RARB: variants seen among roughly 807,000 people sequenced by gnomAD.
RARB encodes the protein retinoic acid receptor beta, also known as HBV-activated protein.
Under a neutral mutation model 51.9 loss-of-function variants are expected in RARB, and 17 were observed. That is an observed-to-expected ratio of 0.33 (90% CI 0.22 to 0.49). The LOEUF (loss-of-function observed/expected upper bound fraction) is 0.49, where lower values mean the gene tolerates loss of function less well. Among genes scored for constraint, RARB ranks in the 20% least tolerant of loss-of-function variants. RARB has a pLI of 0.99. For synonymous variants in RARB, 215 were observed against 195.4 expected (o/e 1.10, Z -0.84); for missense variants, 369 against 550.8 (o/e 0.67, Z 3.30).
At chr3:24,921,049 G>A (rs1380004564) in intron 2 of RARB, among the ~76,000 whole-genome samples, 1 of 152,104 alleles carries the variant, frequency 6.6e-6, no homozygotes, top group Non-Finnish European at 1.5e-5. Flanking sequence ...ACCCAAGCAG[G>A]TAAAAGCAGG....
At chr3:24,969,560 C>T (rs1173729382) in intron 2 of RARB, among the ~76,000 whole-genome samples, 1 of 152,100 alleles carries the variant, frequency 6.6e-6, no homozygotes, top group African/African-American at 2.4e-5. Context: ...TATTCTGTCT[C>T]TTTTATTTAT....
intron 2 of RARB, among the ~76,000 whole-genome samples, chr3:24,951,587 C>T (rs184916215): frequency 7.9e-5 from 12 of 152,308 alleles, no homozygotes; most frequent in Admixed American, 4.6e-4. Context: ...TGTCTTACAT[C>T]CCTCTACTAG....
chr3:25,136,543 A>G lies in RARB; in HGVS notation c.-280+4335A>G, dbSNP rs187991627. 5.5e-3 allele frequency among the ~76,000 whole-genome samples: 838 copies of G among 152,218 alleles called. 3 individuals carry two copies. Among genetic ancestry groups the G allele is most frequent in the Middle Eastern group, 0.017 (5 of 294 alleles). On this transcript the variant is annotated intron_variant, in intron 4 of 11. Transcript: ENST00000383772. ...TAAATGGTAGGAGTTGTAGATGACT[A>G]GATGAATAACTTCATGAAACAATGC...
intron 5 of RARB, among the ~76,000 whole-genome samples, chr3:25,195,462 G>A (rs1701211120): frequency 6.6e-6 from 1 of 151,998 alleles, no homozygotes; most frequent in Admixed American, 6.6e-5. Context: ...TTAAAAAATA[G>A]CACGTGACGT....
intron 4 of RARB, among the ~76,000 whole-genome samples, chr3:25,157,556 C>T (rs1354900915): frequency 1.0e-5 from 1 of 99,832 alleles, no homozygotes; most frequent in Non-Finnish European, 2.3e-5. Context: ...GCCACCAACA[C>T]CCAGCTAATT....
intron 4 of RARB, among the ~76,000 whole-genome samples, chr3:25,142,704 C>A (rs1180023469): frequency 2.0e-5 from 3 of 151,800 alleles, no homozygotes; most frequent in Non-Finnish European, 4.4e-5. Context: ...GATATTTCTA[C>A]CTTTTGAAGG....
At chr3:25,343,137 G>A (rs927534424) in intron 5 of RARB, among the ~76,000 whole-genome samples, 1 of 149,886 alleles carries the variant, frequency 6.7e-6, no homozygotes, top group Non-Finnish European at 1.5e-5. Context: ...CTGCATGGAG[G>A]GAAAGACCTG....
At chr3:25,551,726 G>A (rs1699858265) in intron 3 of RARB, among the ~76,000 whole-genome samples, 2 of 152,260 alleles carry the variant, frequency 1.3e-5, no homozygotes, top group East Asian at 3.9e-4. Context: ...CATAGAATAA[G>A]AAGAGGGCTA....
intron 5 of RARB, among the ~76,000 whole-genome samples, chr3:25,200,654 A>C (rs972021037): frequency 3.9e-5 from 6 of 152,080 alleles, no homozygotes; most frequent in Non-Finnish European, 5.9e-5. Context: ...TCAGCTTTCT[A>C]CATATGGCTA....
intron 2 of RARB, among the ~76,000 whole-genome samples, chr3:25,467,883 C>T (rs142051026): frequency 6.6e-6 from 1 of 152,236 alleles, no homozygotes; most frequent in East Asian, 1.9e-4. Flanking sequence ...CAAAGTTCCT[C>T]ATGGAATTTA....
intron 2 of RARB, among the ~76,000 whole-genome samples, chr3:24,985,801 G>T (rs1696780880): frequency 6.6e-6 from 1 of 152,178 alleles, no homozygotes; most frequent in Admixed American, 6.5e-5. Flanking sequence ...AGATAGATAT[G>T]TCACTGCGCT....
intron 5 of RARB, among the ~76,000 whole-genome samples, chr3:25,265,895 CT>C (rs1703114232): frequency 1.3e-5 from 2 of 152,272 alleles, no homozygotes; most frequent in Admixed American, 1.3e-4. Flanking sequence ...CATTCCCTTG[CT>C]TTGCTTGGTA....
intron 1 of RARB, among the ~76,000 whole-genome samples, chr3:24,857,819 G>C (rs1165544852): frequency 6.6e-6 from 1 of 152,126 alleles, no homozygotes; most frequent in Admixed American, 6.6e-5. Flanking sequence ...CCAGCTACTT[G>C]GGAGGCTGAG....
intron 5 of RARB, among the ~76,000 whole-genome samples, chr3:25,584,303 G>A (rs772766505): frequency 3.3e-5 from 5 of 152,108 alleles, no homozygotes; most frequent in Non-Finnish European, 5.9e-5. Flanking sequence ...CCTGGTGGGG[G>A]GACACAGACA....
intron 2 of RARB, among the ~76,000 whole-genome samples, chr3:24,905,046 T>G (rs1381765030): frequency 6.6e-6 from 1 of 152,146 alleles, no homozygotes; most frequent in Non-Finnish European, 1.5e-5. Context: ...GATGACGGGT[T>G]GATGGGTGCA....
intron 2 of RARB, among the ~76,000 whole-genome samples, chr3:25,492,171 T>A (rs1696774038): frequency 6.6e-6 from 1 of 152,222 alleles, no homozygotes; most frequent in African/African-American, 2.4e-5. Flanking sequence ...CAAAACCTGG[T>A]GGACTTGTTG....
chr3:25,017,755 G>A (rs543968096), intron 2 of RARB, among the ~76,000 whole-genome samples: 2 of 152,180 alleles, frequency 1.3e-5, no homozygotes, highest in South Asian at 2.1e-4. Flanking sequence ...TTTTTAAATG[G>A]AAGATCACAA....
intron 2 of RARB, among the ~76,000 whole-genome samples, chr3:24,979,434 A>G (rs980745884): frequency 2.6e-5 from 4 of 152,120 alleles, no homozygotes; most frequent in Non-Finnish European, 4.4e-5. Flanking sequence ...TATTACATGC[A>G]TATATATTTA....
intron 2 of RARB, among the ~76,000 whole-genome samples, chr3:24,896,367 C>G (rs1449139497): frequency 6.6e-6 from 1 of 152,144 alleles, no homozygotes; most frequent in Non-Finnish European, 1.5e-5. Flanking sequence ...TCAAGCGATC[C>G]TCCTGCTTCA....
Sources: gnomAD v4.1 joint callset for allele counts (sites outside exome capture counted in the v4.1 genomes callset) on GRCh38, gnomAD v4.1.1 for gene constraint, MANE v1.5 for transcripts, NCBI Gene and HGNC (gene_info 2026-07-23, HGNC 2026-07-21) for gene names.